Variants in CFAP90 observed in about 807,000 individuals in gnomAD.
CFAP90 encodes the protein cilia- and flagella-associated protein 90.
At chr5:7,841,601 T>G in the CFAP90 span, among the ~76,000 whole-genome samples, 1 of 152,046 alleles carries the variant, frequency 6.6e-6, no homozygotes, top group Non-Finnish European at 1.5e-5. Context: ...ATAGACTGGA[T>G]AAAGAAAATG....
the CFAP90 span, chr5:7,831,762 G>A: frequency 7.6e-7 from 1 of 1,316,388 alleles, no homozygotes; most frequent in Non-Finnish European, 1.1e-6. Context: ...ATGAGAAGGG[G>A]AAAGGAGGCT....
the CFAP90 span, among the ~76,000 whole-genome samples, chr5:7,846,420 C>T: frequency 2.6e-5 from 4 of 152,176 alleles, no homozygotes; most frequent in Admixed American, 1.3e-4. Flanking sequence ...AAGATCAAGG[C>T]GCTGGCAGAT....
At chr5:7,846,981 T>G in the CFAP90 span, among the ~76,000 whole-genome samples, 1 of 152,148 alleles carries the variant, frequency 6.6e-6, no homozygotes, top group Admixed American at 6.5e-5. Flanking sequence ...ACTCCTGATC[T>G]CAAGTGATCT....
chr5:7,850,848 T>G, the CFAP90 span: 1 of 1,272,984 alleles, frequency 7.9e-7, no homozygotes, highest in East Asian at 3.0e-5. Flanking sequence ...AGCCTTCCGG[T>G]CTCCGCGCCC....
the CFAP90 span, among the ~76,000 whole-genome samples, chr5:7,850,464 TGA>T: frequency 6.6e-6 from 1 of 151,686 alleles, no homozygotes; most frequent in African/African-American, 2.4e-5. Flanking sequence ...CTCCTCGTTG[TGA>T]GCTCCTCTCT....
chr5:7,849,664 T>C, the CFAP90 span, among the ~76,000 whole-genome samples: 3 of 152,168 alleles, frequency 2.0e-5, no homozygotes, highest in African/African-American at 4.8e-5. Flanking sequence ...TGGTGGGAGA[T>C]GCAGGGTGCC....
the CFAP90 span, chr5:7,850,798 AGCCGCCCAGCCGCCCAGCCG>A: frequency 1.3e-5 from 3 of 232,094 alleles, no homozygotes; most frequent in African/African-American, 3.1e-4. Flanking sequence ...CCAGCCGCCC[AGCCGCCCAGCCGCCCAGCCG>A]CCCAGCCGCC....
the CFAP90 span, chr5:7,831,980 C>A: frequency 6.2e-7 from 1 of 1,613,792 alleles, no homozygotes; most frequent in African/African-American, 1.3e-5. Flanking sequence ...CTGATTGATG[C>A]GCTTCCCATA....
chr5:7,834,076 G>A, the CFAP90 span, among the ~76,000 whole-genome samples: 2 of 152,014 alleles, frequency 1.3e-5, no homozygotes, highest in African/African-American at 4.8e-5. Context: ...ATTTTTAAAA[G>A]TTAACTGTAA....
chr5:7,848,102 G>T, the CFAP90 span, among the ~76,000 whole-genome samples: 1 of 152,048 alleles, frequency 6.6e-6, no homozygotes, highest in African/African-American at 2.4e-5. Context: ...CATGAGTATT[G>T]CATACTTAAA....
chr5:7,835,603 G>A, the CFAP90 span: 1 of 675,290 alleles, frequency 1.5e-6, no homozygotes. Context: ...GGCTGGAGGT[G>A]CATGTGGTGA....
chr5:7,831,585 T>C, the CFAP90 span: 2 of 350,658 alleles, frequency 5.7e-6, no homozygotes, highest in African/African-American at 4.1e-5. Context: ...CAGATTCATT[T>C]GATCAAAAAT....
chr5:7,840,515 G>A, the CFAP90 span, among the ~76,000 whole-genome samples: 3 of 152,210 alleles, frequency 2.0e-5, no homozygotes, highest in African/African-American at 4.8e-5. Context: ...AGAGAGGTGT[G>A]CACAAAGTAC....
chr5:7,850,178 T>C, the CFAP90 span, among the ~76,000 whole-genome samples: 1 of 152,062 alleles, frequency 6.6e-6, no homozygotes, highest in Non-Finnish European at 1.5e-5. Context: ...CAGCTGACAC[T>C]GGTAGTCGCC....
At chr5:7,850,881 C>G in the CFAP90 span, 1 of 1,328,384 alleles carries the variant, frequency 7.5e-7, no homozygotes, top group Non-Finnish European at 9.7e-7. Context: ...TCACCCGCGC[C>G]GGGCGGTAGT....
the CFAP90 span, chr5:7,850,746 T>C: frequency 3.0e-6 from 2 of 670,464 alleles, no homozygotes; most frequent in Non-Finnish European, 3.6e-6. Flanking sequence ...TCCGCTGGGG[T>C]GATCCCTTCT....
chr5:7,832,849 C>G, the CFAP90 span, among the ~76,000 whole-genome samples: 1 of 152,132 alleles, frequency 6.6e-6, no homozygotes, highest in Non-Finnish European at 1.5e-5. Flanking sequence ...GGGCTTTTTT[C>G]TGAAAAACTA....
the CFAP90 span, among the ~76,000 whole-genome samples, chr5:7,844,507 A>T: frequency 2.6e-5 from 4 of 152,232 alleles, no homozygotes; most frequent in African/African-American, 4.8e-5. Context: ...TGATAAAGGT[A>T]AATCATTGTC....
chr5:7,847,450 G>A, the CFAP90 span, among the ~76,000 whole-genome samples: 1 of 128,994 alleles, frequency 7.8e-6, no homozygotes, highest in Non-Finnish European at 1.7e-5. Context: ...GAGCAGGGGT[G>A]GGAAACTTTT....
Sources: allele counts gnomAD v4.1 joint callset (sites outside exome capture counted in the v4.1 genomes callset), GRCh38; gene constraint gnomAD v4.1.1; transcripts MANE v1.5; gene names NCBI Gene and HGNC (gene_info 2026-07-23, HGNC 2026-07-21).